Variants in METTL15 observed in about 807,000 individuals in gnomAD.
METTL15 encodes the protein 12S rRNA N(4)-cytidine methyltransferase METTL15.
A neutral mutation model predicts 38.3 loss-of-function variants in METTL15; 34 were observed. The observed-to-expected ratio is 0.89, with a 90% CI of 0.68 to 1.18. The LOEUF is 1.18. Among genes scored for constraint, METTL15 ranks in the 50% most tolerant of loss-of-function variants. The pLI is 0.00. For synonymous variants in METTL15, 162 were observed against 170.9 expected, an observed-to-expected ratio of 0.95 and a Z score of 0.41; for missense variants, 438 against 498.4, an observed-to-expected ratio of 0.88 and a Z score of 1.15.
At chr11:28,175,292 G>A (rs993274891) in intron 3 of METTL15, among the ~76,000 whole-genome samples, 2 of 151,848 alleles carry the variant, frequency 1.3e-5, no homozygotes, top group East Asian at 1.9e-4. Context: ...TTTTTTTATG[G>A]CTGCATAGTA....
intron 5 of METTL15, among the ~76,000 whole-genome samples, chr11:28,386,533 A>G (rs1850442939): frequency 6.6e-6 from 1 of 152,056 alleles, no homozygotes; most frequent in Non-Finnish European, 1.5e-5. Flanking sequence ...AGATATAACA[A>G]TAATACAAAC....
chr11:28,140,057 C>A (rs1302447345), intron 3 of METTL15, among the ~76,000 whole-genome samples: 1 of 152,162 alleles, frequency 6.6e-6, no homozygotes, highest in Non-Finnish European at 1.5e-5. Flanking sequence ...CATGTCCATA[C>A]ACCCTAGCTG....
intron 4 of METTL15, among the ~76,000 whole-genome samples, chr11:28,231,928 G>A (rs1853701401): frequency 6.6e-6 from 1 of 151,566 alleles, no homozygotes; most frequent in Non-Finnish European, 1.5e-5. Context: ...TCAAACCCTG[G>A]CATATAGTAC....
chr11:28,134,765 T>C, intron 3 of METTL15: 3 of 393,004 alleles, frequency 7.6e-6, no homozygotes, highest in South Asian at 2.9e-4. Flanking sequence ...AAGACATATA[T>C]CAAAACGAAA....
intron 5 of METTL15, among the ~76,000 whole-genome samples, chr11:28,384,491 G>A (rs1412950472): frequency 6.6e-6 from 1 of 151,852 alleles, no homozygotes; most frequent in Non-Finnish European, 1.5e-5. Flanking sequence ...TTTATTTTTA[G>A]TAGAGATGTG....
At chr11:28,412,911 A>G (rs564760542) in intron 5 of METTL15, among the ~76,000 whole-genome samples, 2 of 152,170 alleles carry the variant, frequency 1.3e-5, no homozygotes, top group Non-Finnish European at 2.9e-5. Context: ...CACATATACA[A>G]TAGTAACTAT....
At chr11:28,485,254 AAAAG>A (rs1851429302) in intron 6 of METTL15, among the ~76,000 whole-genome samples, 1 of 151,976 alleles carries the variant, frequency 6.6e-6, no homozygotes, top group African/African-American at 2.4e-5. Flanking sequence ...AAAAGAAAAG[AAAAG>A]AAAAATAGCT....
At chr11:28,412,635 G>T (rs952272886) in intron 5 of METTL15, among the ~76,000 whole-genome samples, 1 of 151,912 alleles carries the variant, frequency 6.6e-6, no homozygotes, top group South Asian at 2.1e-4. Flanking sequence ...TAAACCAAAC[G>T]CAGAAAGAAA....
chr11:28,318,217 T>C (rs1185571420), intron 6 of METTL15, among the ~76,000 whole-genome samples: 5 of 152,216 alleles, frequency 3.3e-5, no homozygotes, highest in Non-Finnish European at 7.3e-5. Flanking sequence ...TATCCCTTAT[T>C]GAGAGGACTT....
rs1002849177 is a variant in METTL15, at chr11:28,136,357, A to T, written c.270+22753A>T. Among the ~76,000 whole-genome samples the T allele has an allele frequency of 2.0e-4, 31 of 152,130 alleles. 1 individual carries two copies. Among genetic ancestry groups the T allele is most frequent in the African/African-American group, 7.2e-4 (30 of 41,428 alleles). On this transcript the variant is annotated intron_variant, in intron 3 of 6. Transcript: ENST00000407364. Reference sequence around the variant, plus strand: ...GTTTTATAAATGGGAGTTCTGCTGCACAAGCTCTCTTGCTTGCTGCCATGT... The same window carrying T: ...GTTTTATAAATGGGAGTTCTGCTGCTCAAGCTCTCTTGCTTGCTGCCATGT...
At chr11:28,309,303 G>C (rs1437280309) in intron 6 of METTL15, among the ~76,000 whole-genome samples, 2 of 152,112 alleles carry the variant, frequency 1.3e-5, no homozygotes, top group East Asian at 3.9e-4. Flanking sequence ...CCCCACCACT[G>C]TTGACTGACA....
chr11:28,173,485 G>A (rs1416881683), intron 3 of METTL15, among the ~76,000 whole-genome samples: 1 of 152,138 alleles, frequency 6.6e-6, no homozygotes, highest in Non-Finnish European at 1.5e-5. Context: ...AATTTCTGTT[G>A]CTTATAAGCC....
At chr11:28,237,330 T>A (rs964811002) in intron 4 of METTL15, among the ~76,000 whole-genome samples, 9 of 152,176 alleles carry the variant, frequency 5.9e-5, no homozygotes, top group African/African-American at 1.9e-4. Flanking sequence ...TAAACTTCCC[T>A]TCTCGCTTCA....
chr11:28,305,390 T>G (rs1298626432), intron 6 of METTL15, among the ~76,000 whole-genome samples: 1 of 152,180 alleles, frequency 6.6e-6, no homozygotes, highest in African/African-American at 2.4e-5. Context: ...GAGCAAATAC[T>G]AGGTATTATG....
intron 6 of METTL15, among the ~76,000 whole-genome samples, chr11:28,522,963 C>G (rs972103354): frequency 2.0e-5 from 3 of 152,188 alleles, no homozygotes; most frequent in Non-Finnish European, 4.4e-5. Context: ...ATGCCAAGAA[C>G]TTTGCGAGGT....
At position 28,238,959 on chromosome 11, in the gene METTL15, G is replaced by C. The variant is rs574892314; in HGVS notation, c.407+27761G>C. ...CTATTCCTTCAAATGATTTTATTTGGATTTTTTTTTTCCTATCTGTACTGT... is the reference window on the plus strand; with the variant it reads ...CTATTCCTTCAAATGATTTTATTTGCATTTTTTTTTTCCTATCTGTACTGT... On this transcript the variant is annotated intron_variant, in intron 4 of 6. Transcript: ENST00000407364. 1.6e-4 allele frequency among the ~76,000 whole-genome samples: 24 copies of C among 152,134 alleles called. 1 individual carries two copies. The South Asian group carries it at 5.0e-3, about 32-fold the overall frequency.
intron 6 of METTL15, among the ~76,000 whole-genome samples, chr11:28,509,015 C>T (rs901445339): frequency 6.6e-6 from 1 of 152,182 alleles, no homozygotes; most frequent in Admixed American, 6.5e-5. Flanking sequence ...TATCTACTGT[C>T]TAAATTTCCT....
intron 5 of METTL15, among the ~76,000 whole-genome samples, chr11:28,394,846 T>C (rs1001818827): frequency 2.6e-5 from 4 of 152,110 alleles, no homozygotes; most frequent in Non-Finnish European, 2.9e-5. Context: ...CATGTGTTAC[T>C]TACCTTTATT....
chr11:28,203,105 A>G (rs1852176568), intron 3 of METTL15, among the ~76,000 whole-genome samples: 1 of 152,134 alleles, frequency 6.6e-6, no homozygotes, highest in African/African-American at 2.4e-5. Context: ...GTATGAAAGT[A>G]TAGAGCTATG....
Sources: allele counts gnomAD v4.1 joint callset (sites outside exome capture counted in the v4.1 genomes callset), GRCh38; gene constraint gnomAD v4.1.1; transcripts MANE v1.5; gene names NCBI Gene and HGNC (gene_info 2026-07-23, HGNC 2026-07-21).